Variants in RIC1 observed in about 807,000 individuals in gnomAD.
The protein encoded by RIC1 is RIC1 partner of RAB6A GEF complex, also known as guanine nucleotide exchange factor subunit RIC1.
In RIC1, 88 loss-of-function variants were observed where a neutral mutation model predicts 169.0. The observed-to-expected ratio is 0.52, with a 90% CI of 0.44 to 0.62. The LOEUF is 0.62. RIC1 is among the 20% of genes least tolerant of loss of function. The pLI, the probability that RIC1 is intolerant of heterozygous loss-of-function variation, is 0.00. For missense variants in RIC1, 1,877 were observed against 1,725.5 expected (o/e 1.09, Z -1.56); for synonymous variants, 790 against 601.5 (o/e 1.31, Z -4.59).
chr9:5,694,026 C>T (rs949214225), intron 3 of RIC1, among the ~76,000 whole-genome samples: 3 of 152,112 alleles, frequency 2.0e-5, no homozygotes, highest in Non-Finnish European at 4.4e-5. Context: ...AAATCTCCTT[C>T]TCCTCTTCCC....
chr9:5,635,941 G>A (rs1817952022), intron 1 of RIC1, among the ~76,000 whole-genome samples: 1 of 152,184 alleles, frequency 6.6e-6, no homozygotes, highest in Admixed American at 6.5e-5. Flanking sequence ...CCAAATCTCA[G>A]GGAAGTTTGT....
chr9:5,689,466 G>C (rs533419869), intron 2 of RIC1, among the ~76,000 whole-genome samples: 1 of 152,154 alleles, frequency 6.6e-6, no homozygotes, highest in Non-Finnish European at 1.5e-5. Context: ...GCTATATTTT[G>C]TAGTAAATCA....
intron 3 of RIC1, among the ~76,000 whole-genome samples, chr9:5,700,574 A>G (rs1822152274): frequency 6.6e-6 from 1 of 151,574 alleles, no homozygotes; most frequent in Non-Finnish European, 1.5e-5. Context: ...ATATTAATGT[A>G]TATTTATAAA....
At chr9:5,742,807 A>AAC (rs35503630) in intron 8 of RIC1, 62 bp from the exon 9 acceptor site, 29,083 of 1,444,834 alleles carry the variant, frequency 0.02, 417 homozygotes, top group Non-Finnish European at 0.023. Flanking sequence ...TGAAAAAAAA[A>AAC]AAAAAACAAG....
chr9:5,722,354 T>A (rs200351063), intron 6 of RIC1, among the ~76,000 whole-genome samples: 1,786 of 94,056 alleles, frequency 0.019, 15 homozygotes, highest in Middle Eastern at 0.036. Context: ...AGAGAGTGTG[T>A]GTGTGTGTGT....
chr9:5,748,069 G>C (rs1168726146), intron 12 of RIC1, among the ~76,000 whole-genome samples: 1 of 152,126 alleles, frequency 6.6e-6, no homozygotes, highest in Non-Finnish European at 1.5e-5. Flanking sequence ...CAGTAATTCT[G>C]ATAAACTGAC....
rs1366210626 is a variant in RIC1 at position 5,679,875 on chromosome 9, A to G, written c.253-10084A>G. 3.9e-5 allele frequency among the ~76,000 whole-genome samples: 6 copies of G among 152,096 alleles called. No homozygotes were observed. The East Asian group carries it at 5.8e-4, about 15-fold the overall frequency. On this transcript the variant is annotated intron_variant, in intron 2 of 25. Coordinates refer to ENST00000414202, the MANE Select transcript of RIC1 (RefSeq NM_020829.4). The stretch of plus-strand genomic sequence containing the variant: ...TGCCCTGGCCAGAACTTCCAACACT[A>G]TGTTGAATAGGAGTGGTGAGAGAGG...
At chr9:5,670,292 G>A (rs1473545345) in intron 2 of RIC1, among the ~76,000 whole-genome samples, 4 of 152,150 alleles carry the variant, frequency 2.6e-5, no homozygotes, top group South Asian at 2.1e-4. Flanking sequence ...TCCAGCAGGC[G>A]TCTGCCTGAA....
At chr9:5,633,521 C>T (rs1817822146) in intron 1 of RIC1, among the ~76,000 whole-genome samples, 1 of 152,120 alleles carries the variant, frequency 6.6e-6, no homozygotes, top group African/African-American at 2.4e-5. Context: ...TCATTCTTTA[C>T]CTACCGTAAC....
At chr9:5,735,881 TTAA>T (rs1194292147) in intron 7 of RIC1, among the ~76,000 whole-genome samples, 1 of 152,246 alleles carries the variant, frequency 6.6e-6, no homozygotes, top group Non-Finnish European at 1.5e-5. Context: ...TGTTTCAGTA[TTAA>T]TGACACTAAA....
chr9:5,765,864 A>G, intron 21 of RIC1, 66 bp downstream of exon 21: 1 of 1,565,464 alleles, frequency 6.4e-7, no homozygotes, highest in South Asian at 1.2e-5. Context: ...CAAGACATTT[A>G]CAAAATTAGG....
At chr9:5,661,103 C>T (rs1425585857) in intron 2 of RIC1, among the ~76,000 whole-genome samples, 1 of 152,108 alleles carries the variant, frequency 6.6e-6, no homozygotes, top group African/African-American at 2.4e-5. Flanking sequence ...ATCCTTTCCC[C>T]ATTGCTTGTG....
intron 2 of RIC1, among the ~76,000 whole-genome samples, chr9:5,688,691 G>C (rs1445053847): frequency 1.3e-5 from 2 of 152,114 alleles, no homozygotes; most frequent in Non-Finnish European, 2.9e-5. Context: ...CAAACCACCT[G>C]GTTTTGCTGA....
chr9:5,766,145 G>T (rs774021783), intron 21 of RIC1, among the ~76,000 whole-genome samples: 1 of 152,248 alleles, frequency 6.6e-6, no homozygotes, highest in Admixed American at 6.5e-5. Context: ...AGGTTCAAGC[G>T]ATTATCCTGC....
chr9:5,715,292 C>T (rs1357496103), intron 4 of RIC1, among the ~76,000 whole-genome samples: 2 of 152,114 alleles, frequency 1.3e-5, no homozygotes, highest in East Asian at 1.9e-4. Flanking sequence ...CTTTCTACCT[C>T]CACCTGGTGG....
intron 12 of RIC1, among the ~76,000 whole-genome samples, chr9:5,752,013 G>C (rs1445775572): frequency 6.6e-6 from 1 of 152,128 alleles, no homozygotes; most frequent in East Asian, 1.9e-4. Context: ...AAGACTCTTT[G>C]TTCAGTTCTG....
At chr9:5,674,505 G>T (rs912713137) in intron 2 of RIC1, among the ~76,000 whole-genome samples, 1 of 151,944 alleles carries the variant, frequency 6.6e-6, no homozygotes, top group African/African-American at 2.4e-5. Context: ...AAAAACTCAG[G>T]ACCCCAATTC....
intron 3 of RIC1, among the ~76,000 whole-genome samples, chr9:5,692,482 A>T (rs900558654): frequency 2.0e-4 from 31 of 152,128 alleles, no homozygotes; most frequent in African/African-American, 7.5e-4. Flanking sequence ...AAATATATAC[A>T]TATATATCTA....
chr9:5,682,010 G>A (rs1005509504), intron 2 of RIC1, among the ~76,000 whole-genome samples: 4 of 152,146 alleles, frequency 2.6e-5, no homozygotes, highest in East Asian at 1.9e-4. Context: ...CCATTTGTTT[G>A]GTAGATCTTC....
Sources: allele counts gnomAD v4.1 joint callset (sites outside exome capture counted in the v4.1 genomes callset), GRCh38; gene constraint gnomAD v4.1.1; transcripts MANE v1.5; gene names NCBI Gene and HGNC (gene_info 2026-07-23, HGNC 2026-07-21).